Variants in EGFLAM observed in about 807,000 individuals in gnomAD.
The protein encoded by EGFLAM is EGF like, fibronectin type III and laminin G domains.
EGFLAM carries 79 observed loss-of-function variants against 113.1 expected under a neutral mutation model. The observed-to-expected ratio is 0.70, with a 90% confidence interval of 0.58 to 0.84. EGFLAM has a LOEUF of 0.84. Among genes scored for constraint, EGFLAM ranks in the 40% least tolerant of loss-of-function variants. EGFLAM has a pLI of 0.00. For missense variants in EGFLAM, 1,265 were observed against 1,291.6 expected, an observed-to-expected ratio of 0.98 and a Z score of 0.32; for synonymous variants, 504 against 487.6, an observed-to-expected ratio of 1.03 and a Z score of -0.44.
intron 11 of EGFLAM, among the ~76,000 whole-genome samples, chr5:38,413,131 G>A (rs1395708189): frequency 2.0e-5 from 3 of 149,826 alleles, no homozygotes; most frequent in Non-Finnish European, 3.0e-5. Flanking sequence ...AAACCATCCC[G>A]CCTCAGGCTC....
chr5:38,316,466 C>G (rs1738596767), intron 1 of EGFLAM, among the ~76,000 whole-genome samples: 1 of 152,152 alleles, frequency 6.6e-6, no homozygotes. Flanking sequence ...ATTCCTCACT[C>G]CTAAAATAGG....
chr5:38,304,127 TAAA>T (rs10718399), intron 1 of EGFLAM, among the ~76,000 whole-genome samples: 13 of 142,882 alleles, frequency 9.1e-5, no homozygotes, highest in Admixed American at 1.4e-4. Flanking sequence ...AAAACTCCAT[TAAA>T]AAAAAAAAAA....
At chr5:38,284,355 T>C (rs1005269562) in intron 1 of EGFLAM, among the ~76,000 whole-genome samples, 1 of 152,228 alleles carries the variant, frequency 6.6e-6, no homozygotes, top group Non-Finnish European at 1.5e-5. Flanking sequence ...CATATTTTGT[T>C]CACTTTTATT....
At chr5:38,395,073 T>C (rs1313835573) in intron 6 of EGFLAM, among the ~76,000 whole-genome samples, 1 of 152,082 alleles carries the variant, frequency 6.6e-6, no homozygotes, top group African/African-American at 2.4e-5. Flanking sequence ...CCTGAGTAGC[T>C]GGGATTACAG....
At chr5:38,305,918 G>A (rs1466990833) in intron 1 of EGFLAM, among the ~76,000 whole-genome samples, 1 of 152,178 alleles carries the variant, frequency 6.6e-6, no homozygotes, top group African/African-American at 2.4e-5. Context: ...GGCTTCTTCT[G>A]TGTAAGCCAG....
chr5:38,461,772 G>C (rs1345501256), intron 20 of EGFLAM, among the ~76,000 whole-genome samples: 1 of 152,120 alleles, frequency 6.6e-6, no homozygotes, highest in Non-Finnish European at 1.5e-5. Context: ...GGATAGGTTT[G>C]AAAAATAGCT....
intron 15 of EGFLAM, among the ~76,000 whole-genome samples, chr5:38,431,971 G>A (rs1039802109): frequency 6.6e-6 from 1 of 152,084 alleles, no homozygotes; most frequent in African/African-American, 2.4e-5. Flanking sequence ...CAAGAGGATA[G>A]GATTTCTACT....
chr5:38,456,420 G>A (rs149816284), intron 19 of EGFLAM, among the ~76,000 whole-genome samples: 3 of 152,202 alleles, frequency 2.0e-5, no homozygotes, highest in East Asian at 1.9e-4. Context: ...CCAGCAACTC[G>A]CCCTACTTCC....
chr5:38,417,135 C>G (rs1014118884), intron 11 of EGFLAM, among the ~76,000 whole-genome samples: 1 of 151,998 alleles, frequency 6.6e-6, no homozygotes, highest in Non-Finnish European at 1.5e-5. Flanking sequence ...AGGTAGATCA[C>G]GAGGTCAGGA....
At chr5:38,449,572 G>A (rs190279190) in intron 18 of EGFLAM, among the ~76,000 whole-genome samples, 387 of 152,294 alleles carry the variant, frequency 2.5e-3, no homozygotes, top group African/African-American at 8.2e-3. Flanking sequence ...CCACTAGGTG[G>A]TTTGGGGGAG....
In EGFLAM at chr5:38,338,907, G is replaced by T. The variant is rs570537997; in HGVS notation, c.291+126G>T. The T allele has an allele frequency of 3.8e-6, 3 of 786,142 alleles. No individual in the cohort carries two copies. In the African/African-American group the frequency reaches 5.2e-5, roughly 14 times the overall value. The allele number at this position is 786,142 out of a possible 1,614,324, so 48.7% of individuals were successfully genotyped here. A position where few individuals can be genotyped will look rare whatever the true frequency, so the allele number is the denominator to read the frequency against. On this transcript the variant is annotated intron_variant, in intron 3 of 21. Coordinates refer to ENST00000322350, the MANE Select transcript of EGFLAM (RefSeq NM_152403.4). ...ACTAATGCTTGTAATAGTCCTTTAG[G>T]ATTTCCAAATGTCATTCATGTACAT...
chr5:38,445,673 G>A lies in EGFLAM; in HGVS notation c.2465-2628G>A, dbSNP rs779072544. 40 of 1,598,350 alleles carry A rather than the reference G, an allele frequency of 2.5e-5. No individual in the cohort carries two copies. The Middle Eastern group carries it at 6.6e-4, about 26-fold the overall frequency. On this transcript the variant is annotated intron_variant, in intron 17 of 21. Transcript: ENST00000322350. ...CCCTGTTCTCTTTCATGCTGGCACC[G>A]GGCAGAGTGTGGGAACTACTGCCTC...
rs777372168 is a variant in EGFLAM, at chr5:38,407,837, C to G, written c.1180C>G (p.His394Asp). 1.9e-6 allele frequency: 3 copies of G among 1,613,596 alleles called. No individual in the cohort carries two copies. In the Admixed American group the frequency reaches 5.0e-5, roughly 27 times the overall value. Residue 394 changes from histidine (H) to aspartate (D), a missense_variant, in exon 9 of 22, where the codon CAC becomes GAC. His to Asp is a moderately conservative substitution (Grantham distance 81). Coordinates refer to ENST00000322350, the MANE Select transcript of EGFLAM (RefSeq NM_152403.4). ...IVIQYPQFFGHSYVTFEPLKN... is the reference protein window; with the variant it reads ...IVIQYPQFFGDSYVTFEPLKN... ...TATCCAGTATCCTCAGTTCTTTGGC[C>G]ACTCCTATGTAACGTTTGAACCTCT... is the stretch of plus-strand genomic sequence containing the variant.
chr5:38,411,444 A>G (rs947392658), intron 10 of EGFLAM, among the ~76,000 whole-genome samples: 1 of 152,036 alleles, frequency 6.6e-6, no homozygotes, highest in African/African-American at 2.4e-5. Context: ...AAAGAAAAGA[A>G]AACGGGAATG....
intron 6 of EGFLAM, among the ~76,000 whole-genome samples, chr5:38,396,941 G>C (rs1207114726): frequency 6.6e-6 from 1 of 152,178 alleles, no homozygotes; most frequent in Non-Finnish European, 1.5e-5. Context: ...GAGACTCCGA[G>C]AGAGAAAGAC....
intron 1 of EGFLAM, among the ~76,000 whole-genome samples, chr5:38,276,936 A>G (rs1365480985): frequency 6.6e-6 from 1 of 152,230 alleles, no homozygotes; most frequent in Non-Finnish European, 1.5e-5. Flanking sequence ...CTCCCATCAA[A>G]GAAAAGCACA....
chr5:38,331,438 C>T (rs1390904644), intron 1 of EGFLAM, among the ~76,000 whole-genome samples: 1 of 152,138 alleles, frequency 6.6e-6, no homozygotes, highest in African/African-American at 2.4e-5. Context: ...AACCACTGGT[C>T]TTTTTTACTG....
intron 14 of EGFLAM, among the ~76,000 whole-genome samples, chr5:38,429,144 G>A (rs921650347): frequency 6.6e-6 from 1 of 152,170 alleles, no homozygotes; most frequent in African/African-American, 2.4e-5. Context: ...AATTCATTAT[G>A]AACTTGATTA....
chr5:38,354,042 G>T (rs1739699267), intron 5 of EGFLAM, among the ~76,000 whole-genome samples: 1 of 152,174 alleles, frequency 6.6e-6, no homozygotes, highest in African/African-American at 2.4e-5. Flanking sequence ...ACAACTGGTT[G>T]TTCACTCAAA....
Sources: gnomAD v4.1 joint callset for allele counts (sites outside exome capture counted in the v4.1 genomes callset) on GRCh38, gnomAD v4.1.1 for gene constraint, MANE v1.5 for transcripts, NCBI Gene and HGNC (gene_info 2026-07-23, HGNC 2026-07-21) for gene names.